MICAL3: variants seen among roughly 807,000 people sequenced by gnomAD.
MICAL3 encodes microtubule associated monooxygenase, calponin and LIM domain containing 3.
In MICAL3, 62 loss-of-function variants were observed where a neutral mutation model predicts 207.4. The observed-to-expected ratio is 0.30, with a 90% CI of 0.24 to 0.37. The LOEUF (loss-of-function observed/expected upper bound fraction) is 0.37. Among genes scored for constraint, MICAL3 ranks in the 10% least tolerant of loss-of-function variants. The probability of loss-of-function intolerance (pLI) is 1.00; values close to 1 mark genes in which losing one functional copy is unlikely to be tolerated. For missense variants in MICAL3, 2,368 were observed against 2,635.6 expected (o/e 0.90, Z 2.22); for synonymous variants, 1,077 against 1,069.3 (o/e 1.01, Z -0.14).
intron 19 of MICAL3, among the ~76,000 whole-genome samples, chr22:17,850,960 C>G (rs1925265005): frequency 6.6e-6 from 1 of 152,182 alleles, no homozygotes. Context: ...TTTGTATCAA[C>G]TGGCCAGGCC....
intron 1 of MICAL3, among the ~76,000 whole-genome samples, chr22:17,964,932 C>T (rs984339446): frequency 6.6e-6 from 1 of 152,150 alleles, no homozygotes; most frequent in African/African-American, 2.4e-5. Context: ...AACTGAAGCG[C>T]GGTGGAGGTC....
In MICAL3 at chr22:17,896,342, G is replaced by A. The variant is rs1266105275; in HGVS notation, c.1226C>T (p.Thr409Ile). ...SLLEPFWPMG[T>I]GIARGFLAAM... ...AGCTAGAAAGCCCCGGGCTATTCCT[G>A]TTCCCATTGGCCAGAAAGGCTGTAG... Residue 409 changes from threonine (T) to isoleucine (I), a missense_variant, in exon 9 of 32, where the codon ACA (threonine) becomes ATA (isoleucine). By Grantham distance (89) the Thr-to-Ile change is moderately conservative. This residue lies in a region of MICAL3 where 400 missense variants were observed against 547.0 expected (regional missense o/e 0.73). Transcript: ENST00000441493. The A allele has an allele frequency of 4.5e-6, 7 of 1,554,826 alleles. No individual in the cohort carries two copies. The highest frequency in any genetic ancestry group is 6.1e-6 in the Non-Finnish European group (7 of 1,148,080).
intron 16 of MICAL3, among the ~76,000 whole-genome samples, chr22:17,882,109 G>A (rs969142617): frequency 6.6e-6 from 1 of 152,180 alleles, no homozygotes; most frequent in African/African-American, 2.4e-5. Context: ...CTCGCTCAGA[G>A]CTCCCATGAC....
At chr22:17,946,955 C>T (rs1386636100) in intron 1 of MICAL3, among the ~76,000 whole-genome samples, 1 of 152,218 alleles carries the variant, frequency 6.6e-6, no homozygotes, top group African/African-American at 2.4e-5. Flanking sequence ...GTGGGGAGGG[C>T]CCTGCTATCG....
In MICAL3 at chr22:17,819,200, C is replaced by A. The variant is rs1921272451; in HGVS notation, c.3532-71G>T. 8 of 1,399,872 alleles carry A rather than the reference C, an allele frequency of 5.7e-6. No homozygotes were observed. The South Asian group carries it at 1.4e-4, about 24-fold the overall frequency. 86.7% of individuals were successfully genotyped at this position (1,399,872 alleles called of 1,614,324 possible). ...ACGACCAGCAGCATCCTCGGGGAGC[C>A]TTCTCACTCAAAGTGCCTGCACCTG... On this transcript the variant is annotated intron_variant, in intron 25 of 31. Transcript: ENST00000441493.
At chr22:17,979,549 A>C (rs187131505) in intron 1 of MICAL3, among the ~76,000 whole-genome samples, 10 of 152,234 alleles carry the variant, frequency 6.6e-5, no homozygotes, top group Admixed American at 1.3e-4. Flanking sequence ...CATCTCAAAA[A>C]CAGTATGTAA....
At chr22:17,802,194 A>G (rs145374515) in intron 29 of MICAL3, among the ~76,000 whole-genome samples, 255 of 151,814 alleles carry the variant, frequency 1.7e-3, no homozygotes, top group African/African-American at 6.0e-3. Context: ...TCCCTAGTAG[A>G]TGGAACTACA....
At chr22:17,962,217 G>C (rs1466206514) in intron 1 of MICAL3, among the ~76,000 whole-genome samples, 1 of 152,050 alleles carries the variant, frequency 6.6e-6, no homozygotes, top group Non-Finnish European at 1.5e-5. Flanking sequence ...GAACTCAAGG[G>C]GAAAACTAAC....
At chr22:17,986,939 T>C (rs1177726207) in intron 1 of MICAL3, among the ~76,000 whole-genome samples, 1 of 152,208 alleles carries the variant, frequency 6.6e-6, no homozygotes, top group Non-Finnish European at 1.5e-5. Context: ...AAAAAATCCA[T>C]CCTGGAAGAA....
At chr22:17,987,448 C>G (rs1454162437) in intron 1 of MICAL3, among the ~76,000 whole-genome samples, 1 of 152,216 alleles carries the variant, frequency 6.6e-6, no homozygotes, top group Non-Finnish European at 1.5e-5. Context: ...ATGCTCAAGA[C>G]AAGTGATCGG....
At chr22:18,000,213 T>C (rs1208464428) in intron 1 of MICAL3, among the ~76,000 whole-genome samples, 1 of 146,424 alleles carries the variant, frequency 6.8e-6, no homozygotes, top group Non-Finnish European at 1.5e-5. Context: ...TGTCATCCTC[T>C]CCATGCACAT....
At chr22:17,939,250 A>G (rs936227279) in intron 1 of MICAL3, among the ~76,000 whole-genome samples, 22 of 152,216 alleles carry the variant, frequency 1.4e-4, no homozygotes, top group African/African-American at 3.9e-4. Flanking sequence ...CCCAGCCTCC[A>G]TAACTGTTAA....
In MICAL3 at chr22:17,896,274, T is replaced by A; in HGVS notation, c.1294A>T (p.Thr432Ser). ...AWMVRSWSLGTSPLEVLAERE... is the reference protein window; with the variant it reads ...AWMVRSWSLGSSPLEVLAERE... ...TCTGCCAGCACTTCCAAAGGGCTCGTTCCTAGAGACCAACTTCGGACCATC... is the reference window on the plus strand; with the variant it reads ...TCTGCCAGCACTTCCAAAGGGCTCGATCCTAGAGACCAACTTCGGACCATC... Residue 432 changes from threonine to serine, a missense_variant, in exon 9 of 32, where the codon ACG (threonine) becomes TCG (serine). Transcript: ENST00000441493. 1 of 1,558,234 alleles carries A rather than the reference T, an allele frequency of 6.4e-7. No homozygotes were observed. Among genetic ancestry groups the A allele is most frequent in the South Asian group, 1.2e-5 (1 of 84,316 alleles).
rs1921234025 is a variant in MICAL3 at position 17,818,634 on chromosome 22, C to A, written c.4027G>T (p.Val1343Leu). Residue 1343 changes from valine to leucine, a missense_variant, in exon 26 of 32, where the codon GTG (valine) becomes TTG (leucine). Physicochemically the swap from Val to Leu is conservative, Grantham distance 32. Around this residue, in one of 4 missense-constraint regions of MICAL3, gnomAD observed 1,770 missense variants for 1,863.2 expected, o/e 0.95. Coordinates refer to ENST00000441493, the MANE Select transcript of MICAL3 (RefSeq NM_015241.3). ...GGCTCGGGCCCCTTGCTGCGGTCCA[C>A]AGGTGTGAGCCCGAGGCTGCGGCGG... ...EIRRSLGLTP[V>L]DRSKGPEPSF... 1 of 1,613,660 alleles carries A rather than the reference C, an allele frequency of 6.2e-7. No homozygotes were observed. Among genetic ancestry groups the A allele is most frequent in the Middle Eastern group, 1.6e-4 (1 of 6,062 alleles).
intron 18 of MICAL3, 124 bp downstream of exon 18, chr22:17,865,800 G>A: frequency 2.7e-6 from 2 of 749,392 alleles, no homozygotes; most frequent in Non-Finnish European, 2.3e-6. Context: ...TGCATTTCGG[G>A]CCCTCCCCGT....
chr22:17,865,538 A>T (rs1927007113), intron 18 of MICAL3, among the ~76,000 whole-genome samples: 1 of 152,248 alleles, frequency 6.6e-6, no homozygotes, highest in Non-Finnish European at 1.5e-5. Context: ...GGATCCTCCC[A>T]ACAGTCTCCT....
At chr22:18,015,573 C>T (rs909653657) in intron 1 of MICAL3, among the ~76,000 whole-genome samples, 3 of 151,968 alleles carry the variant, frequency 2.0e-5, no homozygotes, top group South Asian at 4.2e-4. Flanking sequence ...CCAGCACACT[C>T]GGCTAATTTT....
Position 17,817,586 on chromosome 22 carries a change from G to C in MICAL3, c.5075C>G (p.Ser1692Cys), listed in dbSNP as rs1475556542. 2 of 1,613,112 alleles carry C rather than the reference G, an allele frequency of 1.2e-6. No homozygotes were observed. Among genetic ancestry groups the C allele is most frequent in the Non-Finnish European group, 1.7e-6 (2 of 1,179,786 alleles). The stretch of plus-strand genomic sequence containing the variant: ...CGACCTCTTCTTGCTCTTCCCACTG[G>C]AGCCCTCGGATGAAGTGAAAGAGCC... Reference protein sequence around the residue: ...PDGSFTSSEGSSGKSKKRSSL... With the variant: ...PDGSFTSSEGCSGKSKKRSSL... Residue 1692 changes from serine (S) to cysteine (C), a missense_variant, in exon 26 of 32, where the codon TCC (serine) becomes TGC (cysteine). Transcript: ENST00000441493.
chr22:17,906,599 G>A lies in MICAL3; in HGVS notation c.214C>T (p.Arg72Trp), dbSNP rs1348823049. ...TTTTTGTAGTCTTTGTGACTGCCCC[G>A]TTTGTCCAATTTTGCCCAGAGGGCT... ...AKALWAKLDKRGSHKDYKKGK... is the reference protein window; with the variant it reads ...AKALWAKLDKWGSHKDYKKGK... The change falls in exon 2 of 32, where the codon CGG (arginine) becomes TGG (tryptophan). Residue 72 changes from arginine (R) to tryptophan (W), a missense_variant. Coordinates refer to ENST00000441493, the MANE Select transcript of MICAL3 (RefSeq NM_015241.3). 1.2e-6 allele frequency: 2 copies of A among 1,613,478 alleles called. No homozygotes were observed. The highest frequency in any genetic ancestry group is 1.3e-5 in the African/African-American group (1 of 74,888).
Sources: allele counts gnomAD v4.1 joint callset (sites outside exome capture counted in the v4.1 genomes callset), GRCh38; gene constraint gnomAD v4.1.1; regional missense constraint gnomAD v4.1.1; transcripts MANE v1.5; gene names NCBI Gene and HGNC (gene_info 2026-07-23, HGNC 2026-07-21).